The following ZNF735 variants were observed in gnomAD, a reference collection of about 807,000 sequenced individuals.
The protein encoded by ZNF735 is zinc finger protein 735.
In ZNF735, 11 loss-of-function variants were observed where a neutral mutation model predicts 13.4. That is an observed-to-expected ratio of 0.82 (90% CI 0.52 to 1.36). The LOEUF is 1.36. Among genes scored for constraint, ZNF735 ranks in the 40% most tolerant of loss-of-function variants. The pLI is 0.00. For synonymous variants in ZNF735, 171 were observed against 162.6 expected (o/e 1.05, Z -0.39); for missense variants, 500 against 484.6 (o/e 1.03, Z -0.30).
intron 3 of ZNF735, among the ~76,000 whole-genome samples, chr7:64,215,823 G>A (rs1386832492): frequency 6.6e-6 from 1 of 151,976 alleles, no homozygotes; most frequent in African/African-American, 2.4e-5. Flanking sequence ...AGATTATTTG[G>A]TCATACACAG....
chr7:64,210,781 A>T (rs1787350310), intron 1 of ZNF735, among the ~76,000 whole-genome samples: 1 of 152,250 alleles, frequency 6.6e-6, no homozygotes, highest in African/African-American at 2.4e-5. Flanking sequence ...AATTATACAC[A>T]ACAAAAATGG....
At chr7:64,217,627 T>A (rs2116487769) in intron 3 of ZNF735, among the ~76,000 whole-genome samples, 1 of 152,272 alleles carries the variant, frequency 6.6e-6, no homozygotes, top group Non-Finnish European at 1.5e-5. Context: ...CATATGCATA[T>A]AGATAGACAT....
intron 1 of ZNF735, among the ~76,000 whole-genome samples, chr7:64,207,912 G>A (rs1279307848): frequency 2.0e-4 from 30 of 152,044 alleles, no homozygotes; most frequent in African/African-American, 5.8e-4. Flanking sequence ...ACCTGAACCC[G>A]GGAGGCGGAG....
At position 64,214,454 on chromosome 7, in the gene ZNF735, ACT is replaced by A. The variant is rs145241547; in HGVS notation, c.262+349_262+350del. ...ACTAATATCTGCATATTTTTGAGAA[ACT>A]CTATGTTAAACCATTTAAAAAACTT... is the stretch of plus-strand genomic sequence containing the variant. On this transcript the variant is annotated intron_variant, in intron 3 of 3. Transcript: ENST00000429565. 3.0e-3 allele frequency among the ~76,000 whole-genome samples: 457 copies of A among 151,990 alleles called. 15 individuals are homozygous for A. In the East Asian group the frequency reaches 0.079, roughly 26 times the overall value.
At chr7:64,208,254 T>TG (rs1787315315) in intron 1 of ZNF735, among the ~76,000 whole-genome samples, 2 of 58,868 alleles carry the variant, frequency 3.4e-5, no homozygotes, top group African/African-American at 6.8e-5. Flanking sequence ...GTTTTTTTTT[T>TG]TTTTTTTTTT....
intron 3 of ZNF735, 75 bp downstream of exon 3, chr7:64,214,183 G>A: frequency 1.4e-6 from 2 of 1,459,244 alleles, no homozygotes; most frequent in East Asian, 2.3e-5. Context: ...TCTTTAAAAT[G>A]TGGTCTGCAG....
chr7:64,209,410 G>A (rs1787331658), intron 1 of ZNF735, among the ~76,000 whole-genome samples: 1 of 150,796 alleles, frequency 6.6e-6, no homozygotes, highest in African/African-American at 2.4e-5. Context: ...GCAGTGGCGT[G>A]ATCTCGGCTC....
chr7:64,220,122 A>G (rs757304478), exon 4 of ZNF735: 2 of 1,613,634 alleles, frequency 1.2e-6, no homozygotes, highest in South Asian at 2.2e-5. Context: ...CATGTGAAGA[A>G]TGTGGCAGAA....
At chr7:64,210,720 T>C (rs1787347047) in intron 1 of ZNF735, among the ~76,000 whole-genome samples, 1 of 151,810 alleles carries the variant, frequency 6.6e-6, no homozygotes, top group Non-Finnish European at 1.5e-5. Flanking sequence ...AACTTATATT[T>C]TATTAGTTAT....
chr7:64,215,197 G>T (rs1787405827), intron 3 of ZNF735, among the ~76,000 whole-genome samples: 1 of 151,798 alleles, frequency 6.6e-6, no homozygotes, highest in Non-Finnish European at 1.5e-5. Context: ...GAGTACCTGG[G>T]ATCAGGGATG....
At chr7:64,207,217 G>A (rs1317845109) in exon 1 of ZNF735, 7 of 1,614,180 alleles carry the variant, frequency 4.3e-6, no homozygotes, top group Admixed American at 1.7e-5. Flanking sequence ...CTAAAAGACC[G>A]GGACCCCCTG....
intron 3 of ZNF735, among the ~76,000 whole-genome samples, chr7:64,215,408 G>A (rs1311999662): frequency 3.3e-5 from 5 of 152,050 alleles, no homozygotes; most frequent in Admixed American, 6.5e-5. Context: ...TCTACTTCTA[G>A]GAGTCGTTTA....
chr7:64,208,239 T>C (rs1298389976), intron 1 of ZNF735, among the ~76,000 whole-genome samples: 5 of 124,532 alleles, frequency 4.0e-5, no homozygotes, highest in African/African-American at 1.5e-4. Context: ...TAATCTCCAA[T>C]AAATGTTTTT....
chr7:64,212,354 A>T (rs1416137506), intron 1 of ZNF735, among the ~76,000 whole-genome samples: 1 of 152,176 alleles, frequency 6.6e-6, no homozygotes, highest in Non-Finnish European at 1.5e-5. Context: ...CTTTATCCCA[A>T]ATCTCCTGAA....
chr7:64,214,152 A>G (rs1247287244), intron 3 of ZNF735, 44 bp downstream of exon 3: 3 of 1,585,592 alleles, frequency 1.9e-6, no homozygotes, highest in East Asian at 2.2e-5. Flanking sequence ...TGAGATGTCC[A>G]CAAGTCAAGG....
rs1787359529 is a variant in ZNF735 at position 64,211,477 on chromosome 7, G to A, written c.40-1615G>A. On this transcript the variant is annotated intron_variant, in intron 1 of 3. Transcript: ENST00000429565. ...TTAGGAGATACTTGCTCTCCAGGGT[G>A]CTAAACAAAGACTACTTAAAATTAC... is the stretch of plus-strand genomic sequence containing the variant. Among the ~76,000 whole-genome samples, 4 of 152,116 alleles carry A rather than the reference G, an allele frequency of 2.6e-5. No individual in the cohort carries two copies. The South Asian group carries it at 8.3e-4, about 31-fold the overall frequency.
intron 3 of ZNF735, among the ~76,000 whole-genome samples, chr7:64,216,607 ATT>A (rs34572712): frequency 4.1e-5 from 6 of 145,538 alleles, no homozygotes; most frequent in Non-Finnish European, 3.0e-5. Context: ...CTCTTCTTAA[ATT>A]TTTTTTTTTT....
chr7:64,211,890 A>AATAT (rs34863437), intron 1 of ZNF735, among the ~76,000 whole-genome samples: 1 of 96,514 alleles, frequency 1.0e-5, no homozygotes, highest in Non-Finnish European at 2.2e-5. Context: ...AAAGAAAAAA[A>AATAT]ATATATATAT....
chr7:64,214,215 G>C (rs1325281702), intron 3 of ZNF735, 107 bp downstream of exon 3: 13 of 1,199,712 alleles, frequency 1.1e-5, no homozygotes, highest in Non-Finnish European at 1.4e-5. Context: ...TATGGAAAGA[G>C]TTTCTGAGAA....
Sources: allele counts gnomAD v4.1 joint callset (sites outside exome capture counted in the v4.1 genomes callset), GRCh38; gene constraint gnomAD v4.1.1; transcripts MANE v1.5; gene names NCBI Gene and HGNC (gene_info 2026-07-23, HGNC 2026-07-21).